The following MYCBPAP variants were observed in gnomAD, a reference collection of about 807,000 sequenced individuals.
MYCBPAP encodes MYCBP-associated protein.
MYCBPAP carries 60 observed loss-of-function variants against 106.1 expected under a neutral mutation model. That is an observed-to-expected ratio of 0.57 (90% CI 0.46 to 0.70). The LOEUF (loss-of-function observed/expected upper bound fraction) is 0.70, where lower values mean the gene tolerates loss of function less well. Ranked by LOEUF, MYCBPAP falls within the 30% of genes least tolerant of loss-of-function variation. The pLI, the probability that MYCBPAP is intolerant of heterozygous loss-of-function variation, is 0.00. For synonymous variants in MYCBPAP, 407 were observed against 440.6 expected (o/e 0.92, Z 0.95); for missense variants, 1,064 against 1,169.3 (o/e 0.91, Z 1.31).
chr17:50,521,945 G>A, intron 9 of MYCBPAP, 28 bp from the exon 10 acceptor site: 1 of 1,605,760 alleles, frequency 6.2e-7, no homozygotes, highest in Non-Finnish European at 8.5e-7. Flanking sequence ...CAGCCTAAGA[G>A]AAAATAAGTC....
chr17:50,524,737 T>TGTGTGTGTGTGTGTGAGAGAGA (rs373928628), intron 12 of MYCBPAP, 140 bp from the exon 13 acceptor site: 310 of 463,596 alleles, frequency 6.7e-4, no homozygotes, highest in Middle Eastern at 1.1e-3. Context: ...TGTGTGTGTG[T>TGTGTGTGTGTGTGTGAGAGAGA]GAGAGAGAGA....
At chr17:50,510,898 C>G (rs1319566837) in intron 1 of MYCBPAP, among the ~76,000 whole-genome samples, 1 of 151,934 alleles carries the variant, frequency 6.6e-6, no homozygotes, top group Non-Finnish European at 1.5e-5. Flanking sequence ...GCTTTCCTAG[C>G]CACTGCCTCC....
intron 1 of MYCBPAP, among the ~76,000 whole-genome samples, chr17:50,513,676 T>A (rs535917225): frequency 1.2e-3 from 178 of 152,334 alleles, no homozygotes; most frequent in Non-Finnish European, 2.1e-3. Flanking sequence ...AGCACACATC[T>A]GGAGACGTTT....
rs1247547764 is a variant in MYCBPAP, at chr17:50,523,152, G to C, written c.1447+24G>C. The C allele has an allele frequency of 3.1e-6, 5 of 1,604,964 alleles. No individual in the cohort carries two copies. In the African/African-American group the frequency reaches 5.4e-5, roughly 17 times the overall value. ...AGGTACTCGGGAGAAGCCACCCTAT[G>C]TGCTAGCTCCTGTCTGGGGCTGGTT... is the stretch of plus-strand genomic sequence containing the variant. On this transcript the variant is annotated intron_variant, in intron 11 of 18. Transcript: ENST00000323776.
Position 50,521,961 on chromosome 17 carries a change from C to T in MYCBPAP, c.1149-12C>T. On this transcript the variant is annotated splice_polypyrimidine_tract_variant and intron_variant, in intron 9 of 18. Coordinates refer to ENST00000323776, the MANE Select transcript of MYCBPAP (RefSeq NM_032133.6). Reference sequence around the variant, plus strand: ...AGCCTAAGAGAAAATAAGTCATTGGCTTTTCTTACAGAGGCACATTGGCCA... The same window carrying T: ...AGCCTAAGAGAAAATAAGTCATTGGTTTTTCTTACAGAGGCACATTGGCCA... 6.2e-7 allele frequency: 1 copy of T among 1,610,910 alleles called. No individual in the cohort carries two copies. Among genetic ancestry groups the T allele is most frequent in the African/African-American group, 1.3e-5 (1 of 74,998 alleles).
chr17:50,522,432 C>T (rs1017375964), intron 10 of MYCBPAP: 4 of 182,852 alleles, frequency 2.2e-5, no homozygotes, highest in Non-Finnish European at 2.4e-5. Flanking sequence ...CAGAGGCTCA[C>T]GCCTGTAATC....
chr17:50,508,432 G>T, upstream of MYCBPAP: 1 of 1,019,940 alleles, frequency 9.8e-7, no homozygotes. Context: ...TCACAGGCCG[G>T]GCCCGCAGGG....
Position 50,508,452 on chromosome 17 carries a change from G to T in MYCBPAP, c.-223G>T. On this transcript the variant is annotated 5_prime_UTR_variant, in exon 1 of 19. Coordinates refer to ENST00000323776, the MANE Select transcript of MYCBPAP (RefSeq NM_032133.6). ...GGCCGGGCCCGCAGGGCTTTCTAGG[G>T]GTCCGTCGCTCTTGAAGCCGCCGGC... The T allele has an allele frequency of 1.6e-6, 2 of 1,245,212 alleles. No homozygotes were observed. The highest frequency in any genetic ancestry group is 1.4e-5 in the South Asian group (1 of 71,368). 77.1% of individuals were successfully genotyped at this position (1,245,212 alleles called of 1,614,324 possible).
chr17:50,531,458 C>G lies in MYCBPAP; in HGVS notation c.*30C>G, dbSNP rs114786096. The G allele has an allele frequency of 6.6e-7, 1 of 1,523,252 alleles. No individual in the cohort carries two copies. The highest frequency in any genetic ancestry group is 1.4e-5 in the African/African-American group (1 of 71,792). 94.4% of individuals were successfully genotyped at this position (1,523,252 alleles called of 1,614,324 possible). ...CGGGCCCAAGCAACCTTCTGGAAAACGGGTTAATAAATAAATCAATAAAGA... is the reference window on the plus strand; with the variant it reads ...CGGGCCCAAGCAACCTTCTGGAAAAGGGGTTAATAAATAAATCAATAAAGA... On this transcript the variant is annotated 3_prime_UTR_variant, in exon 19 of 19. Transcript: ENST00000323776.
chr17:50,524,737 T>TGTGTGTGTGTGTGTGTGAGAGAGAGA (rs373928628), intron 12 of MYCBPAP, 140 bp from the exon 13 acceptor site: 12 of 463,566 alleles, frequency 2.6e-5, no homozygotes, highest in Non-Finnish European at 3.8e-5. Flanking sequence ...TGTGTGTGTG[T>TGTGTGTGTGTGTGTGTGAGAGAGAGA]GAGAGAGAGA....
intron 9 of MYCBPAP, 54 bp downstream of exon 9, chr17:50,521,485 C>T: frequency 7.4e-7 from 1 of 1,343,712 alleles, no homozygotes. Flanking sequence ...CCAGCACCTA[C>T]CAGTATTAAA....
chr17:50,529,122 C>T lies in MYCBPAP; in HGVS notation c.2658C>T (p.Ile886=). The T allele has an allele frequency of 1.2e-6, 2 of 1,614,024 alleles. No individual in the cohort carries two copies. Among genetic ancestry groups the T allele is most frequent in the Non-Finnish European group, 1.7e-6 (2 of 1,180,028 alleles). Residue 886 remains isoleucine, a synonymous_variant, in exon 18 of 19, where the codon ATC becomes ATT. Coordinates refer to ENST00000323776, the MANE Select transcript of MYCBPAP (RefSeq NM_032133.6). The part of the protein sequence containing the change: ...FSLEDPTPDI[I]LSSQEPIDPL... Reference sequence around the variant, plus strand: ...TGGAAGACCCTACCCCTGACATCATCCTCTCTTCTCAAGAACCCATAGACC... The same window carrying T: ...TGGAAGACCCTACCCCTGACATCATTCTCTCTTCTCAAGAACCCATAGACC...
chr17:50,522,032 T>A lies in MYCBPAP; in HGVS notation c.1208T>A (p.Phe403Tyr). 2 of 1,614,108 alleles carry A rather than the reference T, an allele frequency of 1.2e-6. No homozygotes were observed. Among genetic ancestry groups the A allele is most frequent in the Non-Finnish European group, 1.7e-6 (2 of 1,179,970 alleles). The change falls in exon 10 of 19, where the codon TTC becomes TAC. Residue 403 changes from phenylalanine to tyrosine, a missense_variant. By Grantham distance (22) the Phe-to-Tyr change is conservative. Coordinates refer to ENST00000323776, the MANE Select transcript of MYCBPAP (RefSeq NM_032133.6). ...SMPILGPSLL[F>Y]CGKPACWIRG... ...CCTATTCTCGGCCCTTCTCTGCTGT[T>A]CTGTGGGAAGCCAGCTTGCTGGATC...
chr17:50,510,512 T>TGC (rs2143884966), intron 1 of MYCBPAP: 1 of 117,234 alleles, frequency 8.5e-6, no homozygotes, highest in African/African-American at 3.9e-5. Context: ...TATATATATA[T>TGC]ATATATATAT....
chr17:50,508,645 G>A lies in MYCBPAP; in HGVS notation c.-30G>A. The A allele has an allele frequency of 6.3e-7, 1 of 1,589,992 alleles. No homozygotes were observed. Among genetic ancestry groups the A allele is most frequent in the Non-Finnish European group, 8.6e-7 (1 of 1,165,850 alleles). ...TCGGTGTCTCTGGGCCGGCGGTGCA[G>A]GGCAACGTTTCATGGTGCCGGGCGG... is the stretch of plus-strand genomic sequence containing the variant. On this transcript the variant is annotated 5_prime_UTR_variant, in exon 1 of 19. Transcript: ENST00000323776.
At chr17:50,514,792 G>A (rs1330473155) in intron 1 of MYCBPAP, 5 of 277,018 alleles carry the variant, frequency 1.8e-5, no homozygotes, top group Non-Finnish European at 3.8e-5. Flanking sequence ...CAAGTGGTTG[G>A]GACTACAGGC....
chr17:50,520,054 G>A, intron 7 of MYCBPAP: 3 of 382,580 alleles, frequency 7.8e-6, no homozygotes, highest in Non-Finnish European at 1.4e-5. Context: ...TGCCGCTGGT[G>A]AGCGCCTGGA....
chr17:50,527,352 C>T lies in MYCBPAP; in HGVS notation c.2235C>T (p.Ala745=). The T allele has an allele frequency of 6.2e-7, 1 of 1,614,116 alleles. No individual in the cohort carries two copies. The highest frequency in any genetic ancestry group is 1.3e-5 in the African/African-American group (1 of 75,036). The change falls in exon 15 of 19, where the codon GCC becomes GCT. Residue 745 remains alanine (A), a synonymous_variant. Transcript: ENST00000323776. ...EDALMRLNKA[A]LELCQKPRPL... is the part of the protein sequence containing the mutation. Reference sequence around the variant, plus strand: ...CGTTGATGAGGCTCAACAAAGCAGCCCTGGAGCTGTGCCAGAAGCCAAGGC... The same window carrying T: ...CGTTGATGAGGCTCAACAAAGCAGCTCTGGAGCTGTGCCAGAAGCCAAGGC...
intron 12 of MYCBPAP, among the ~76,000 whole-genome samples, chr17:50,524,012 GC>G (rs1207330958): frequency 1.3e-5 from 2 of 152,224 alleles, no homozygotes; most frequent in African/African-American, 4.8e-5. Context: ...GCCATGCATG[GC>G]CCCACTGAGT....
Sources: allele counts gnomAD v4.1 joint callset (sites outside exome capture counted in the v4.1 genomes callset), GRCh38; gene constraint gnomAD v4.1.1; transcripts MANE v1.5; gene names NCBI Gene and HGNC (gene_info 2026-07-23, HGNC 2026-07-21).